Variants in CPA5 observed in about 807,000 individuals in gnomAD.
The protein encoded by CPA5 is testicular tissue protein Li 32.
Under a neutral mutation model 52.2 loss-of-function variants are expected in CPA5, and 38 were observed. The observed-to-expected ratio is 0.73, with a 90% CI of 0.56 to 0.95. The LOEUF (loss-of-function observed/expected upper bound fraction) is 0.95, where lower values mean the gene tolerates loss of function less well. Among genes scored for constraint, CPA5 ranks in the 40% least tolerant of loss-of-function variants. CPA5 has a pLI of 0.00. For synonymous variants in CPA5, 198 were observed against 213.7 expected (o/e 0.93, Z 0.64); for missense variants, 519 against 566.7 (o/e 0.92, Z 0.86).
chr7:130,360,785 A>C (rs1795749082), intron 6 of CPA5, among the ~76,000 whole-genome samples: 2 of 152,220 alleles, frequency 1.3e-5, no homozygotes, highest in Admixed American at 6.5e-5. Flanking sequence ...AGATCTGTCA[A>C]ACGGATTGAA....
intron 5 of CPA5, among the ~76,000 whole-genome samples, chr7:130,355,493 G>A (rs945479964): frequency 2.6e-5 from 4 of 152,120 alleles, no homozygotes; most frequent in East Asian, 1.9e-4. Context: ...TGCAACCTCC[G>A]CCTCCTGGGT....
chr7:130,367,827 C>A, intron 11 of CPA5, 79 bp from the exon 12 acceptor site: 1 of 1,254,144 alleles, frequency 8.0e-7, no homozygotes, highest in Non-Finnish European at 1.2e-6. Context: ...CCATGCTTCT[C>A]ACCAGCTGGT....
intron 5 of CPA5, among the ~76,000 whole-genome samples, chr7:130,354,762 A>G (rs1447727831): frequency 2.6e-5 from 4 of 151,816 alleles, no homozygotes; most frequent in Non-Finnish European, 4.4e-5. Flanking sequence ...TATATTGCCC[A>G]GGGTGGAGTA....
intron 4 of CPA5, among the ~76,000 whole-genome samples, chr7:130,348,049 C>A (rs1476652475): frequency 6.6e-6 from 1 of 152,218 alleles, no homozygotes; most frequent in Non-Finnish European, 1.5e-5. Flanking sequence ...CCTTTTTAGT[C>A]TGTGTCTCTT....
At chr7:130,356,604 T>A (rs1043865185) in intron 5 of CPA5, among the ~76,000 whole-genome samples, 1 of 152,166 alleles carries the variant, frequency 6.6e-6, no homozygotes, top group Non-Finnish European at 1.5e-5. Flanking sequence ...AAAGAGGGTG[T>A]CACCTCCATT....
At chr7:130,348,728 C>T (rs1794932769) in intron 4 of CPA5, among the ~76,000 whole-genome samples, 1 of 152,162 alleles carries the variant, frequency 6.6e-6, no homozygotes, top group Non-Finnish European at 1.5e-5. Flanking sequence ...GGGAAAGAAC[C>T]TCAGTGCCTT....
At chr7:130,371,719 G>A (rs1489163787), downstream of CPA5, among the ~76,000 whole-genome samples, 1 of 152,044 alleles carries the variant, frequency 6.6e-6, no homozygotes, top group African/African-American at 2.4e-5. Flanking sequence ...CACCACGCCT[G>A]GCTAATTTTG....
chr7:130,359,588 G>A lies in CPA5; in HGVS notation c.334-1G>A. The A allele has an allele frequency of 6.4e-7, 1 of 1,558,698 alleles. No individual in the cohort carries two copies. Among genetic ancestry groups the A allele is most frequent in the Non-Finnish European group, 8.7e-7 (1 of 1,150,318 alleles). ...TCCAATATGTGTTCCCCATCACCCA[G>A]GTGCTGCTGGATGAGGAAAGACAGG... On this transcript the variant is annotated splice_acceptor_variant, in intron 5 of 12. Coordinates refer to ENST00000474905, the MANE Select transcript of CPA5 (RefSeq NM_080385.5). LOFTEE classifies it high-confidence loss of function.
chr7:130,368,345 C>A, intron 12 of CPA5, 65 bp from the exon 13 acceptor site: 1 of 1,535,930 alleles, frequency 6.5e-7, no homozygotes. Context: ...CAGGATGCCT[C>A]TGTACCTTGC....
In CPA5 at chr7:130,357,207, AC is replaced by A. The variant is rs797027745; in HGVS notation, c.334-2380del. 2.4e-3 allele frequency among the ~76,000 whole-genome samples: 360 copies of A among 152,166 alleles called. 4 individuals carry two copies. Among genetic ancestry groups the A allele is most frequent in the African/African-American group, 8.0e-3 (334 of 41,504 alleles). On this transcript the variant is annotated intron_variant, in intron 5 of 12. Transcript: ENST00000474905. ...TCCAGTCCCATTTTTAAATCTATGAACCTGAACGTTGTAAGCAAGCCAACTA... is the reference window on the plus strand; with the variant it reads ...TCCAGTCCCATTTTTAAATCTATGAACTGAACGTTGTAAGCAAGCCAACTA...
rs1344329919 is a variant in CPA5 at position 130,368,716 on chromosome 7, C to T, written c.*119C>T. The T allele has an allele frequency of 1.9e-6, 2 of 1,053,302 alleles. No homozygotes were observed. Among genetic ancestry groups the T allele is most frequent in the African/African-American group, 3.2e-5 (2 of 62,674 alleles). 65.2% of individuals were successfully genotyped at this position (1,053,302 alleles called of 1,614,324 possible). ...ATCCCGACCTCTTAGAAAATAAATA[C>T]AAGTTTGAACAGGCTTCGCTGCCTC... is the stretch of plus-strand genomic sequence containing the variant. On this transcript the variant is annotated 3_prime_UTR_variant, in exon 13 of 13. Transcript: ENST00000474905.
chr7:130,356,022 G>C (rs1795454791), intron 5 of CPA5, among the ~76,000 whole-genome samples: 1 of 152,198 alleles, frequency 6.6e-6, no homozygotes, highest in Non-Finnish European at 1.5e-5. Context: ...AGTGCCACAG[G>C]ACTGGAGTTG....
At chr7:130,349,385 G>A (rs2117302278) in intron 4 of CPA5, among the ~76,000 whole-genome samples, 1 of 152,082 alleles carries the variant, frequency 6.6e-6, no homozygotes, top group South Asian at 2.1e-4. Context: ...GGTGAGCTGA[G>A]ATCATGCCAT....
chr7:130,369,042 C>T (rs1197762981), downstream of CPA5, among the ~76,000 whole-genome samples: 1 of 152,204 alleles, frequency 6.6e-6, no homozygotes, highest in Non-Finnish European at 1.5e-5. Context: ...GAAAGGTTGG[C>T]CCAGACAGGC....
intron 5 of CPA5, among the ~76,000 whole-genome samples, chr7:130,356,930 G>C (rs916455589): frequency 3.3e-5 from 5 of 152,200 alleles, no homozygotes; most frequent in Non-Finnish European, 7.4e-5. Context: ...ACAGTGGCTG[G>C]CACACATTGG....
Position 130,359,573 on chromosome 7 carries a change from G to A in CPA5, c.334-16G>A, listed in dbSNP as rs1554406016. Reference sequence around the variant, plus strand: ...GCTCTCCCCTTCCTTTCCAATATGTGTTCCCCATCACCCAGGTGCTGCTGG... The same window carrying A: ...GCTCTCCCCTTCCTTTCCAATATGTATTCCCCATCACCCAGGTGCTGCTGG... On this transcript the variant is annotated splice_polypyrimidine_tract_variant and intron_variant, in intron 5 of 12. Coordinates refer to ENST00000474905, the MANE Select transcript of CPA5 (RefSeq NM_080385.5). The A allele has an allele frequency of 5.8e-6, 9 of 1,549,774 alleles. No individual in the cohort carries two copies. The highest frequency in any genetic ancestry group is 4.8e-5 in the East Asian group (2 of 41,418).
chr7:130,359,703 C>A lies in CPA5; in HGVS notation c.432+16C>A, dbSNP rs782474930. On this transcript the variant is annotated intron_variant, in intron 6 of 12. Coordinates refer to ENST00000474905, the MANE Select transcript of CPA5 (RefSeq NM_080385.5). ...CCTGGAGGAGGTAGGTCTGGCCGGG[C>A]AAGCTCTGGGCTCTCTTGTGTCTTT... is the stretch of plus-strand genomic sequence containing the variant. 1.9e-5 allele frequency: 30 copies of A among 1,552,272 alleles called. No individual in the cohort carries two copies. Among genetic ancestry groups the A allele is most frequent in the Middle Eastern group, 1.7e-4 (1 of 6,004 alleles).
Position 130,350,502 on chromosome 7 carries a change from G to A in CPA5, c.333+393G>A, listed in dbSNP as rs977696261. Among the ~76,000 whole-genome samples, 3 of 152,290 alleles carry A rather than the reference G, an allele frequency of 2.0e-5. No homozygotes were observed. The East Asian group carries it at 5.8e-4, about 29-fold the overall frequency. On this transcript the variant is annotated intron_variant, in intron 5 of 12. Transcript: ENST00000474905. Reference sequence around the variant, plus strand: ...CTGACCACTCCCTCCTGTTCCCGCTGTGTCTCAGCCATCCAATGCCTGGGG... The same window carrying A: ...CTGACCACTCCCTCCTGTTCCCGCTATGTCTCAGCCATCCAATGCCTGGGG...
chr7:130,368,558 T>G lies in CPA5; in HGVS notation c.1272T>G (p.Leu424=), dbSNP rs1554409347. The G allele has an allele frequency of 6.2e-7, 1 of 1,614,056 alleles. No homozygotes were observed. Among genetic ancestry groups the G allele is most frequent in the Non-Finnish European group, 8.5e-7 (1 of 1,180,010 alleles). ...IPTAQETWMA[L]RTIMEHTLNH... Reference sequence around the variant, plus strand: ...CGGCCCAGGAGACGTGGATGGCGCTTCGGACCATCATGGAGCACACCCTGA... The same window carrying G: ...CGGCCCAGGAGACGTGGATGGCGCTGCGGACCATCATGGAGCACACCCTGA... The change falls in exon 13 of 13, where the codon CTT becomes CTG. Residue 424 remains leucine, a synonymous_variant. Coordinates refer to ENST00000474905, the MANE Select transcript of CPA5 (RefSeq NM_080385.5).
Sources: gnomAD v4.1 joint callset for allele counts (sites outside exome capture counted in the v4.1 genomes callset) on GRCh38, gnomAD v4.1.1 for gene constraint, MANE v1.5 for transcripts, NCBI Gene and HGNC (gene_info 2026-07-23, HGNC 2026-07-21) for gene names.